The following TRMT2B variants were observed in gnomAD, a reference collection of about 807,000 sequenced individuals.
TRMT2B encodes the protein tRNA methyltransferase 2B.
A neutral mutation model predicts 39.7 loss-of-function variants in TRMT2B; 34 were observed. The observed-to-expected ratio is 0.86, with a 90% CI of 0.65 to 1.14. The LOEUF (loss-of-function observed/expected upper bound fraction) is 1.14. TRMT2B is among the 50% of genes most tolerant of loss of function. The probability of loss-of-function intolerance (pLI) is 0.00; values close to 1 mark genes in which losing one functional copy is unlikely to be tolerated. For synonymous variants in TRMT2B, 132 were observed against 137.3 expected, an observed-to-expected ratio of 0.96 and a Z score of 0.27; for missense variants, 318 against 377.2, an observed-to-expected ratio of 0.84 and a Z score of 1.30.
intron 2 of TRMT2B, among the ~76,000 whole-genome samples, chrX:101,046,042 A>C (rs1376876177): frequency 9.7e-6 from 1 of 102,781 alleles, no homozygotes; most frequent in Non-Finnish European, 2.0e-5. Flanking sequence ...GCTACTCGGG[A>C]GGCTGAGGCA....
the TRMT2B span, among the ~76,000 whole-genome samples, chrX:100,978,017 A>C: frequency 8.9e-6 from 1 of 112,125 alleles, no homozygotes; most frequent in Non-Finnish European, 1.9e-5. Flanking sequence ...TTTTGGATAC[A>C]TACACAGCAG....
chrX:100,989,992 T>C, the TRMT2B span, among the ~76,000 whole-genome samples: 5 of 112,651 alleles, frequency 4.4e-5, no homozygotes, highest in African/African-American at 1.6e-4. Context: ...CCCTAAATCT[T>C]TGTCCAAAAT....
chrX:101,012,826 T>A (rs1330772001), intron 13 of TRMT2B, among the ~76,000 whole-genome samples: 20 of 110,138 alleles, frequency 1.8e-4, no homozygotes, highest in East Asian at 5.7e-4. Context: ...ATTTATTATT[T>A]TTTTTTTTTT....
chrX:101,028,271 A>G (rs1251771960), intron 7 of TRMT2B, among the ~76,000 whole-genome samples: 1 of 109,094 alleles, frequency 9.2e-6, no homozygotes, highest in African/African-American at 3.3e-5. Context: ...GGTGCCCACC[A>G]CCACATCCGG....
At chrX:100,974,637 A>G in the TRMT2B span, among the ~76,000 whole-genome samples, 5 of 111,903 alleles carry the variant, frequency 4.5e-5, no homozygotes, top group African/African-American at 1.6e-4. Context: ...AAGAAGTTTA[A>G]TAACATGAAA....
chrX:101,044,189 C>T (rs1602673463), intron 2 of TRMT2B, among the ~76,000 whole-genome samples: 1 of 105,955 alleles, frequency 9.4e-6, no homozygotes, highest in Admixed American at 1.0e-4. Context: ...TTGCAGTGAG[C>T]CAAGATTGTG....
At chrX:101,042,638 C>G (rs919191049) in intron 2 of TRMT2B, among the ~76,000 whole-genome samples, 3 of 111,876 alleles carry the variant, frequency 2.7e-5, no homozygotes, top group Non-Finnish European at 3.8e-5. Flanking sequence ...TAAGTGCTTA[C>G]TATGTGCAAG....
chrX:101,001,177 GA>G, the TRMT2B span, among the ~76,000 whole-genome samples: 2 of 110,824 alleles, frequency 1.8e-5, no homozygotes, highest in African/African-American at 6.6e-5. Flanking sequence ...TAAAAAGACT[GA>G]TGACTAAGAC....
chrX:100,988,130 TTAGA>T, the TRMT2B span: 109 of 918,070 alleles, frequency 1.2e-4, no homozygotes, highest in African/African-American at 1.8e-3. Context: ...AGTAGCTGCA[TTAGA>T]TAAAGAAGCT....
At chrX:100,976,542 G>A in the TRMT2B span, among the ~76,000 whole-genome samples, 44 of 111,597 alleles carry the variant, frequency 3.9e-4, no homozygotes, top group African/African-American at 1.4e-3. Context: ...CAACCTAGTA[G>A]GTTGCTCTGT....
At chrX:100,975,631 CT>C in the TRMT2B span, among the ~76,000 whole-genome samples, 11,742 of 97,798 alleles carry the variant, frequency 0.12, 1,135 homozygotes, top group African/African-American at 0.3. Context: ...ATTTTCTTTG[CT>C]TTTTTTTTTT....
Position 101,051,944 on chromosome X carries a change from G to A in TRMT2B, c.-634C>T, listed in dbSNP as rs943288174. The A allele has an allele frequency of 5.2e-5, 6 of 115,586 alleles. No individual in the cohort carries two copies. The highest frequency in any genetic ancestry group is 1.9e-4 in the African/African-American group (6 of 30,836). The allele number at this position is 115,586 out of a possible 1,213,427, so 9.5% of individuals were successfully genotyped here. A position where few individuals can be genotyped will look rare whatever the true frequency, so the allele number is the denominator to read the frequency against. On this transcript the variant is annotated 5_prime_UTR_variant, in exon 1 of 14. Transcript: ENST00000372936. ...AGCCAACCCTTGGCAAGCGCGGCGG[G>A]ACACGGGGCTCCTCCCAGCGTCGGC...
At chrX:101,023,351 C>T (rs1328161630) in intron 8 of TRMT2B, 119 bp downstream of exon 8, 1 of 754,865 alleles carries the variant, frequency 1.3e-6, no homozygotes, top group African/African-American at 2.1e-5. Context: ...CCCCAATTGA[C>T]ACAAATATTC....
intron 7 of TRMT2B, among the ~76,000 whole-genome samples, chrX:101,024,463 A>G (rs936171096): frequency 3.0e-4 from 33 of 111,668 alleles, no homozygotes; most frequent in African/African-American, 1.1e-3. Flanking sequence ...TGGGAGGCCA[A>G]CGTGGGAGGA....
chrX:101,023,546 C>T lies in TRMT2B; in HGVS notation c.680G>A (p.Arg227His), dbSNP rs559181857. 5.0e-6 allele frequency: 6 copies of T among 1,210,103 alleles called. No homozygotes were observed. In the South Asian group the frequency reaches 7.0e-5, roughly 14 times the overall value. Residue 227 changes from arginine to histidine, a missense_variant, in exon 8 of 14, where the codon CGT (arginine) becomes CAT (histidine). Transcript: ENST00000372936. ...CLVFHEGGYW[R>H]ELTVRTNSQG... ...GCTATTGGTGCGGACTGTGAGCTCA[C>T]GCCAGTATCCACCTTCATGAAATAC...
chrX:101,023,630 C>T lies in TRMT2B; in HGVS notation c.610-14G>A, dbSNP rs372154727. ...TACTTCATAGTACTAGGAAGAGAACCGAATTATTACACAAGCAAAACTAGC... is the reference window on the plus strand; with the variant it reads ...TACTTCATAGTACTAGGAAGAGAACTGAATTATTACACAAGCAAAACTAGC... On this transcript the variant is annotated splice_polypyrimidine_tract_variant and intron_variant, in intron 7 of 13. Transcript: ENST00000372936. The T allele has an allele frequency of 1.4e-4, 167 of 1,181,149 alleles. No individual in the cohort carries two copies. The highest frequency in any genetic ancestry group is 1.8e-4 in the Non-Finnish European group (157 of 874,187).
In TRMT2B at chrX:101,020,584, C is replaced by A. The variant is rs151051208; in HGVS notation, c.1071G>T (p.Val357=). 406 of 1,193,226 alleles carry A rather than the reference C, an allele frequency of 3.4e-4. No homozygotes were observed. The highest frequency in any genetic ancestry group is 4.5e-4 in the Non-Finnish European group (392 of 879,850). ...ILLDICCGTG[V]IGLSLAQHTS... ...TATGCTGAGCCAGAGAGAGGCCAATCACACCTGAAGAAGTAAACGAGAAGA... is the reference window on the plus strand; with the variant it reads ...TATGCTGAGCCAGAGAGAGGCCAATAACACCTGAAGAAGTAAACGAGAAGA... The change falls in exon 11 of 14, where the codon GTG becomes GTT. Residue 357 remains valine (V), a synonymous_variant. Coordinates refer to ENST00000372936, the MANE Select transcript of TRMT2B (RefSeq NM_024917.6).
In TRMT2B at chrX:101,051,602, G is replaced by A; in HGVS notation, c.-375C>T. On this transcript the variant is annotated 5_prime_UTR_variant, in exon 2 of 14. Coordinates refer to ENST00000372936, the MANE Select transcript of TRMT2B (RefSeq NM_024917.6). ...CGGGAAGGACAGAAAGTAAGGGAGT[G>A]GGAGGAGTTAGGGCACAGGCCCACG... is the stretch of plus-strand genomic sequence containing the variant. 2 of 754,841 alleles carry A rather than the reference G, an allele frequency of 2.6e-6. No homozygotes were observed. Among genetic ancestry groups the A allele is most frequent in the Non-Finnish European group, 3.1e-6 (2 of 639,510 alleles). 62.2% of individuals were successfully genotyped at this position (754,841 alleles called of 1,213,427 possible).
intron 2 of TRMT2B, 98 bp from the exon 3 acceptor site, chrX:101,042,410 C>G (rs766299093): frequency 4.3e-5 from 40 of 925,379 alleles, no homozygotes; most frequent in Non-Finnish European, 5.7e-5. Context: ...AAGCGCCTAG[C>G]AGAATGCTGG....
Sources: gnomAD v4.1 joint callset for allele counts (sites outside exome capture counted in the v4.1 genomes callset) on GRCh38, gnomAD v4.1.1 for gene constraint, MANE v1.5 for transcripts, NCBI Gene and HGNC (gene_info 2026-07-23, HGNC 2026-07-21) for gene names.